FGF2: variants seen among roughly 807,000 people sequenced by gnomAD.
FGF2 encodes the protein basic fibroblast growth factor bFGF.
In FGF2, 13 loss-of-function variants were observed where a neutral mutation model predicts 15.9. The observed-to-expected ratio is 0.82, with a 90% CI of 0.53 to 1.30. The LOEUF is 1.30. FGF2 is among the 50% of genes most tolerant of loss of function. The pLI is 0.00. For synonymous variants in FGF2, 90 were observed against 78.4 expected (o/e 1.15, Z -0.78); for missense variants, 163 against 196.9 (o/e 0.83, Z 1.03).
At chr4:122,828,315 AAG>A (rs1358519267) in intron 1 of FGF2, among the ~76,000 whole-genome samples, 1 of 152,218 alleles carries the variant, frequency 6.6e-6, no homozygotes, top group Non-Finnish European at 1.5e-5. Flanking sequence ...AAGAGAAAGA[AAG>A]GGGCATAAGA....
rs939812850 is a variant in FGF2, at chr4:122,895,632, G to A, written c.*3236G>A. 1.3e-5 allele frequency: 2 copies of A among 152,068 alleles called. No homozygotes were observed. The highest frequency in any genetic ancestry group is 2.4e-5 in the African/African-American group (1 of 41,394). 9.4% of individuals were successfully genotyped at this position (152,068 alleles called of 1,614,324 possible). On this transcript the variant is annotated 3_prime_UTR_variant, in exon 3 of 3. Transcript: ENST00000644866. Reference sequence around the variant, plus strand: ...GGCAGTTTGTCAATTTTAATCTTGTGGATACCTTTATACTCTTAGGGTATT... The same window carrying A: ...GGCAGTTTGTCAATTTTAATCTTGTAGATACCTTTATACTCTTAGGGTATT...
At chr4:122,879,648 G>T (rs1578477002) in intron 2 of FGF2, among the ~76,000 whole-genome samples, 1 of 152,308 alleles carries the variant, frequency 6.6e-6, no homozygotes, top group Middle Eastern at 3.4e-3. Context: ...ATTTACAAAA[G>T]AAAGAGGTTT....
rs1165408547 is a variant in FGF2, at chr4:122,863,027, A to G, written c.179-13294A>G. On this transcript the variant is annotated intron_variant, in intron 1 of 2. Coordinates refer to ENST00000644866, the MANE Select transcript of FGF2 (RefSeq NM_001361665.2). Reference sequence around the variant, plus strand: ...CTTAGCACAGCCTTTTAAAAAATTTATAAAAATGTAAAATACAAACACAGA... The same window carrying G: ...CTTAGCACAGCCTTTTAAAAAATTTGTAAAAATGTAAAATACAAACACAGA... Among the ~76,000 whole-genome samples, 4 of 152,218 alleles carry G rather than the reference A, an allele frequency of 2.6e-5. No homozygotes were observed. The South Asian group carries it at 8.3e-4, about 31-fold the overall frequency.
intron 1 of FGF2, among the ~76,000 whole-genome samples, chr4:122,866,322 T>C (rs1253494790): frequency 1.3e-5 from 2 of 150,758 alleles, no homozygotes; most frequent in Non-Finnish European, 2.9e-5. Flanking sequence ...GAGCCGAGAT[T>C]GCGCCACTGC....
At chr4:122,847,811 C>T (rs1455522673) in intron 1 of FGF2, among the ~76,000 whole-genome samples, 1 of 152,224 alleles carries the variant, frequency 6.6e-6, no homozygotes, top group African/African-American at 2.4e-5. Context: ...GGCTGAATTC[C>T]TTCTTGCTGG....
chr4:122,845,887 C>CT, intron 1 of FGF2, among the ~76,000 whole-genome samples: 1 of 152,298 alleles, frequency 6.6e-6, no homozygotes, highest in East Asian at 1.9e-4. Context: ...AAGAATTCTT[C>CT]TTTTGCAGTC....
chr4:122,887,048 G>C (rs980049893), intron 2 of FGF2, among the ~76,000 whole-genome samples: 16 of 152,238 alleles, frequency 1.1e-4, no homozygotes, highest in Admixed American at 7.2e-4. Flanking sequence ...GAGCATGGTG[G>C]CTCACATCTG....
At chr4:122,890,122 A>G (rs1350586833) in intron 2 of FGF2, 3 of 151,664 alleles carry the variant, frequency 2.0e-5, no homozygotes, top group African/African-American at 7.3e-5. Flanking sequence ...TTTTTCTTTT[A>G]TCAGTGGCAA....
chr4:122,883,287 T>TTGA (rs1441795817), intron 2 of FGF2: 2 of 152,220 alleles, frequency 1.3e-5, no homozygotes, highest in Non-Finnish European at 2.9e-5. Context: ...TTATGTTAGG[T>TTGA]TGATTACCAA....
intron 1 of FGF2, among the ~76,000 whole-genome samples, chr4:122,835,278 A>G (rs1469157544): frequency 6.6e-6 from 1 of 151,822 alleles, no homozygotes; most frequent in Admixed American, 6.6e-5. Flanking sequence ...GCAGGCTGGA[A>G]GAACTCCTCA....
chr4:122,838,878 G>A (rs1578451989), intron 1 of FGF2, among the ~76,000 whole-genome samples: 1 of 152,190 alleles, frequency 6.6e-6, no homozygotes, highest in East Asian at 1.9e-4. Context: ...GCCATGCACT[G>A]CATCATGATG....
At chr4:122,876,573 C>A in intron 2 of FGF2, 149 bp downstream of exon 2, 1 of 691,312 alleles carries the variant, frequency 1.4e-6, no homozygotes, top group Non-Finnish European at 2.6e-6. Context: ...TTCTTTATTT[C>A]ACAGATGCAA....
intron 1 of FGF2, among the ~76,000 whole-genome samples, chr4:122,832,965 G>T (rs1160013430): frequency 2.0e-5 from 3 of 152,186 alleles, no homozygotes; most frequent in African/African-American, 7.2e-5. Context: ...TTGAGCCATA[G>T]ACTGTGGTTC....
intron 1 of FGF2, among the ~76,000 whole-genome samples, chr4:122,867,557 G>T (rs1726626766): frequency 6.6e-6 from 1 of 151,958 alleles, no homozygotes; most frequent in South Asian, 2.1e-4. Context: ...TGTTGCCCAG[G>T]CTGGTCTCAA....
rs1209491175 is a variant in FGF2, at chr4:122,833,665, G to GAATGAGAGTGC, written c.178+6313_178+6314insAATGAGAGTGC. Among the ~76,000 whole-genome samples, 72 of 152,146 alleles carry GAATGAGAGTGC rather than the reference G, an allele frequency of 4.7e-4. 1 individual carries two copies. Among genetic ancestry groups the GAATGAGAGTGC allele is most frequent in the African/African-American group, 1.7e-3 (71 of 41,490 alleles). ...TTTACTCAGAGAGTGCTCACTAAAT[G>GAATGAGAGTGC]TCAGCTGATGAGGAAAACATTCTCT... On this transcript the variant is annotated intron_variant, in intron 1 of 2. Coordinates refer to ENST00000644866, the MANE Select transcript of FGF2 (RefSeq NM_001361665.2).
At chr4:122,844,954 T>A (rs111513316) in intron 1 of FGF2, among the ~76,000 whole-genome samples, 40 of 152,300 alleles carry the variant, frequency 2.6e-4, no homozygotes, top group African/African-American at 9.1e-4. Flanking sequence ...GGTTTTCAAT[T>A]TACTTTACCC....
chr4:122,839,066 A>G (rs911838259), intron 1 of FGF2, among the ~76,000 whole-genome samples: 16 of 152,234 alleles, frequency 1.1e-4, no homozygotes, highest in Non-Finnish European at 2.4e-4. Context: ...GCAATAAGCT[A>G]TACCATCATC....
rs944984330 is a variant in FGF2, at chr4:122,862,129, G to C, written c.179-14192G>C. On this transcript the variant is annotated intron_variant, in intron 1 of 2. Coordinates refer to ENST00000644866, the MANE Select transcript of FGF2 (RefSeq NM_001361665.2). ...TATATTTTCCTTTGGGCTTCCTATTGCTTAGCACAGTACCTGGCACATAGC... is the reference window on the plus strand; with the variant it reads ...TATATTTTCCTTTGGGCTTCCTATTCCTTAGCACAGTACCTGGCACATAGC... 2.6e-5 allele frequency among the ~76,000 whole-genome samples: 4 copies of C among 152,116 alleles called. 1 individual carries two copies. The highest frequency in any genetic ancestry group is 6.3e-3 in the Middle Eastern group (2 of 316).
In FGF2 at chr4:122,867,124, GC is replaced by G. The variant is rs1726612020; in HGVS notation, c.179-9194del. On this transcript the variant is annotated intron_variant, in intron 1 of 2. Coordinates refer to ENST00000644866, the MANE Select transcript of FGF2 (RefSeq NM_001361665.2). ...ATAGACAAATCTATACAGACAGGTT[GC>G]CCAGGGTTGGGATGAGTGGTATTAG... is the stretch of plus-strand genomic sequence containing the variant. 3.3e-5 allele frequency among the ~76,000 whole-genome samples: 5 copies of G among 152,300 alleles called. No homozygotes were observed. The South Asian group carries it at 6.2e-4, about 19-fold the overall frequency.
Sources: gnomAD v4.1 joint callset for allele counts (sites outside exome capture counted in the v4.1 genomes callset) on GRCh38, gnomAD v4.1.1 for gene constraint, MANE v1.5 for transcripts, NCBI Gene and HGNC (gene_info 2026-07-23, HGNC 2026-07-21) for gene names.